Variants in ACVR2A observed in about 807,000 individuals in gnomAD.
ACVR2A encodes the protein activin A receptor type 2A.
Under a neutral mutation model 61.4 loss-of-function variants are expected in ACVR2A, and 7 were observed. That is an observed-to-expected ratio of 0.11 (90% CI 0.06 to 0.21). The LOEUF (loss-of-function observed/expected upper bound fraction) is 0.21. Ranked by LOEUF, ACVR2A falls within the 10% of genes least tolerant of loss-of-function variation. ACVR2A has a pLI of 1.00. For missense variants in ACVR2A, 322 were observed against 621.7 expected (o/e 0.52, Z 5.13); for synonymous variants, 193 against 208.3 (o/e 0.93, Z 0.63).
rs143208969 is a variant in ACVR2A at position 147,920,100 on chromosome 2, T to G, written c.963-130T>G. The G allele has an allele frequency of 6.2e-3, 3,916 of 633,988 alleles. 23 individuals carry two copies. The highest frequency in any genetic ancestry group is 8.4e-3 in the Non-Finnish European group (3,101 of 367,786). The allele number at this position is 633,988 out of a possible 1,614,324, so 39.3% of individuals were successfully genotyped here. On this transcript the variant is annotated intron_variant, in intron 7 of 10. Coordinates refer to ENST00000241416, the MANE Select transcript of ACVR2A (RefSeq NM_001616.5). ...GGCTCTGAGCTTTGTTTGTCTCACT[T>G]TCTCTGCATTTCATAATTTTAAGTA...
intron 1 of ACVR2A, among the ~76,000 whole-genome samples, chr2:147,851,162 T>A (rs557678162): frequency 1.4e-4 from 21 of 152,284 alleles, no homozygotes; most frequent in African/African-American, 4.8e-4. Context: ...ATGTTACCCT[T>A]GCTTAAAACC....
At chr2:147,897,686 G>A (rs1686773126) in intron 2 of ACVR2A, among the ~76,000 whole-genome samples, 1 of 152,276 alleles carries the variant, frequency 6.6e-6, no homozygotes, top group East Asian at 1.9e-4. Context: ...AGAGCAAAAT[G>A]CATTGAATAG....
chr2:147,880,124 G>A (rs557846379), intron 1 of ACVR2A, among the ~76,000 whole-genome samples: 1 of 152,164 alleles, frequency 6.6e-6, no homozygotes, highest in Non-Finnish European at 1.5e-5. Flanking sequence ...ACTTTCTAAG[G>A]TATCATTACT....
chr2:147,875,132 GT>G lies in ACVR2A; in HGVS notation c.56-21166del, dbSNP rs1345117930. On this transcript the variant is annotated intron_variant, in intron 1 of 10. Transcript: ENST00000241416. ...TATTAATATCTGTTTAAATTTAGAG[GT>G]TTAGAGTGTGTCAGTATTATAAATT... Among the ~76,000 whole-genome samples the G allele has an allele frequency of 2.6e-5, 4 of 152,036 alleles. No individual in the cohort carries two copies. The East Asian group carries it at 7.7e-4, about 29-fold the overall frequency.
At chr2:147,916,874 T>C (rs952666890) in intron 5 of ACVR2A, among the ~76,000 whole-genome samples, 1 of 151,904 alleles carries the variant, frequency 6.6e-6, no homozygotes, top group Non-Finnish European at 1.5e-5. Context: ...AAAGAAGAAG[T>C]TTTCTATTTA....
intron 1 of ACVR2A, among the ~76,000 whole-genome samples, chr2:147,895,595 A>T (rs571053251): frequency 1.3e-5 from 2 of 152,298 alleles, no homozygotes; most frequent in Admixed American, 6.5e-5. Context: ...CATACCATAG[A>T]TTGAGGTCTG....
At chr2:147,899,952 T>C in intron 4 of ACVR2A, 54 bp downstream of exon 4, 1 of 1,558,682 alleles carries the variant, frequency 6.4e-7, no homozygotes, top group Non-Finnish European at 8.8e-7. Flanking sequence ...TTTTGAGAAA[T>C]ATTACTGTGG....
intron 1 of ACVR2A, among the ~76,000 whole-genome samples, chr2:147,854,511 A>G (rs1490978877): frequency 6.6e-6 from 1 of 152,148 alleles, no homozygotes; most frequent in Admixed American, 6.5e-5. Flanking sequence ...ATGTGGTATA[A>G]TATTTTGGAC....
rs1360231167 is a variant in ACVR2A at position 147,926,106 on chromosome 2, T to C, written c.1292T>C (p.Val431Ala). Residue 431 changes from valine (V) to alanine (A), a missense_variant, in exon 10 of 11, where the codon GTT becomes GCT. By Grantham distance (64) the Val-to-Ala change is moderately conservative (BLOSUM62 0). Around this residue, in one of 3 missense-constraint regions of ACVR2A, gnomAD observed 146 missense variants for 383.8 expected, o/e 0.38. Coordinates refer to ENST00000241416, the MANE Select transcript of ACVR2A (RefSeq NM_001616.5). ...CCATCTCTTGAAGACATGCAGGAAG[T>C]TGTTGTGCATAAAAAAAAGAGGCCT... ...QHPSLEDMQE[V>A]VVHKKKRPVL... is the part of the protein sequence containing the mutation. 6.2e-7 allele frequency: 1 copy of C among 1,612,090 alleles called. No individual in the cohort carries two copies. The highest frequency in any genetic ancestry group is 8.5e-7 in the Non-Finnish European group (1 of 1,178,716).
chr2:147,878,598 T>C (rs1686217642), intron 1 of ACVR2A, among the ~76,000 whole-genome samples: 1 of 152,118 alleles, frequency 6.6e-6, no homozygotes, highest in Non-Finnish European at 1.5e-5. Flanking sequence ...TTAGGGATTT[T>C]TAGAGAAAGG....
chr2:147,925,987 G>A (rs1324785215), intron 9 of ACVR2A, 44 bp from the exon 10 acceptor site: 3 of 1,582,594 alleles, frequency 1.9e-6, no homozygotes, highest in Non-Finnish European at 1.7e-6. Context: ...AAAGTCAGGA[G>A]GATTTTAATG....
chr2:147,878,396 T>C (rs978542839), intron 1 of ACVR2A, among the ~76,000 whole-genome samples: 12 of 152,148 alleles, frequency 7.9e-5, no homozygotes, highest in Admixed American at 2.0e-4. Context: ...GGGTTGAGAT[T>C]TTTACCTTTA....
Position 147,845,052 on chromosome 2 carries a change from A to G in ACVR2A, c.-101A>G. 1 of 282,322 alleles carries G rather than the reference A, an allele frequency of 3.5e-6. No individual in the cohort carries two copies. The highest frequency in any genetic ancestry group is 6.8e-6 in the Non-Finnish European group (1 of 147,106). 17.5% of individuals were successfully genotyped at this position (282,322 alleles called of 1,614,324 possible). On this transcript the variant is annotated 5_prime_UTR_variant, in exon 1 of 11. It removes an upstream start codon present in the reference 5' UTR. Coordinates refer to ENST00000241416, the MANE Select transcript of ACVR2A (RefSeq NM_001616.5). ...TGGTCTGGGCTTCCGAATATGTTTTATGACGGTTGATTTTACACCAGGAGG... is the reference window on the plus strand; with the variant it reads ...TGGTCTGGGCTTCCGAATATGTTTTGTGACGGTTGATTTTACACCAGGAGG...
At chr2:147,878,316 G>A (rs887283404) in intron 1 of ACVR2A, among the ~76,000 whole-genome samples, 1 of 152,122 alleles carries the variant, frequency 6.6e-6, no homozygotes, top group Admixed American at 6.6e-5. Context: ...TATTATTCCT[G>A]CTACTCTTCT....
At chr2:147,899,976 C>T in intron 4 of ACVR2A, 78 bp downstream of exon 4, 1 of 1,419,632 alleles carries the variant, frequency 7.0e-7, no homozygotes, top group Non-Finnish European at 9.6e-7. Context: ...AACCCACTAA[C>T]TTATTACAGA....
At chr2:147,911,127 A>T (rs1325181224) in intron 4 of ACVR2A, among the ~76,000 whole-genome samples, 1 of 152,140 alleles carries the variant, frequency 6.6e-6, no homozygotes, top group African/African-American at 2.4e-5. Context: ...GCTAAAGGCA[A>T]TACTGCCCTC....
At chr2:147,846,561 GT>G (rs1479528889) in intron 1 of ACVR2A, among the ~76,000 whole-genome samples, 2 of 152,108 alleles carry the variant, frequency 1.3e-5, no homozygotes, top group Non-Finnish European at 2.9e-5. Context: ...TGAATGTGTT[GT>G]GAAATGGCGA....
At chr2:147,921,241 G>A (rs893550460) in intron 8 of ACVR2A, among the ~76,000 whole-genome samples, 4 of 151,904 alleles carry the variant, frequency 2.6e-5, no homozygotes, top group African/African-American at 9.7e-5. Context: ...CACCAAGTTG[G>A]CCAGGCTTGT....
At chr2:147,852,697 G>A (rs189682633) in intron 1 of ACVR2A, among the ~76,000 whole-genome samples, 1 of 152,130 alleles carries the variant, frequency 6.6e-6, no homozygotes, top group African/African-American at 2.4e-5. Context: ...TTGGGGAGTT[G>A]GGATTTTTTA....
Sources: gnomAD v4.1 joint callset for allele counts (sites outside exome capture counted in the v4.1 genomes callset) on GRCh38, gnomAD v4.1.1 for gene constraint, gnomAD v4.1.1 regional missense constraint, MANE v1.5 for transcripts, NCBI Gene and HGNC (gene_info 2026-07-23, HGNC 2026-07-21) for gene names.